The following CADPS variants were observed in gnomAD, a reference collection of about 807,000 sequenced individuals.
The protein encoded by CADPS is calcium-dependent secretion activator 1.
Under a neutral mutation model 167.3 loss-of-function variants are expected in CADPS, and 57 were observed. That is an observed-to-expected ratio of 0.34 (90% confidence interval 0.28 to 0.42). CADPS has a LOEUF of 0.42. Among genes scored for constraint, CADPS ranks in the 20% least tolerant of loss-of-function variants. The pLI, the probability that CADPS is intolerant of heterozygous loss-of-function variation, is 1.00. For synonymous variants in CADPS, 676 were observed against 635.3 expected, an observed-to-expected ratio of 1.06 and a Z score of -0.96; for missense variants, 1,414 against 1,738.1, an observed-to-expected ratio of 0.81 and a Z score of 3.32.
chr3:62,673,259 G>A (rs1291300782), intron 3 of CADPS, among the ~76,000 whole-genome samples: 1 of 152,202 alleles, frequency 6.6e-6, no homozygotes, highest in African/African-American at 2.4e-5. Context: ...GAGTTAAGGT[G>A]ATGTTTTTCC....
At chr3:62,484,842 T>C (rs1407046394) in intron 21 of CADPS, among the ~76,000 whole-genome samples, 5 of 152,204 alleles carry the variant, frequency 3.3e-5, no homozygotes, top group African/African-American at 1.2e-4. Flanking sequence ...GTATTTAAGA[T>C]ACAAAATGCC....
At chr3:62,565,840 AG>A in intron 9 of CADPS, among the ~76,000 whole-genome samples, 1 of 152,202 alleles carries the variant, frequency 6.6e-6, no homozygotes, top group South Asian at 2.1e-4. Flanking sequence ...TGGTTCCCCA[AG>A]ACAGTAGTAC....
intron 7 of CADPS, among the ~76,000 whole-genome samples, 198 bp from the exon 8 acceptor site, chr3:62,585,522 A>G (rs1192654563): frequency 3.3e-5 from 5 of 152,102 alleles, no homozygotes; most frequent in Non-Finnish European, 5.9e-5. Flanking sequence ...TTCTGTGATG[A>G]TTCTGTCATG....
intron 6 of CADPS, among the ~76,000 whole-genome samples, chr3:62,613,233 C>T (rs1461335770): frequency 6.6e-6 from 1 of 152,182 alleles, no homozygotes; most frequent in East Asian, 1.9e-4. Flanking sequence ...ACTTAAACCC[C>T]TGTTCTTCAC....
At chr3:62,466,047 A>C (rs2150386521) in intron 25 of CADPS, among the ~76,000 whole-genome samples, 1 of 152,330 alleles carries the variant, frequency 6.6e-6, no homozygotes, top group Middle Eastern at 3.4e-3. Flanking sequence ...TGTATTTAAA[A>C]ATCTAACTTT....
intron 29 of CADPS, among the ~76,000 whole-genome samples, chr3:62,400,861 G>C (rs1705799945): frequency 6.6e-6 from 1 of 152,056 alleles, no homozygotes; most frequent in Non-Finnish European, 1.5e-5. Context: ...GCCTCCCAAA[G>C]TGCTGAGATT....
At chr3:62,586,606 T>C (rs2084688726) in intron 7 of CADPS, among the ~76,000 whole-genome samples, 1 of 152,220 alleles carries the variant, frequency 6.6e-6, no homozygotes, top group Admixed American at 6.5e-5. Flanking sequence ...AAGTTCCCTG[T>C]CTCTGATGAA....
chr3:62,507,182 T>G (rs1470550641), intron 17 of CADPS, among the ~76,000 whole-genome samples: 1 of 152,166 alleles, frequency 6.6e-6, no homozygotes, highest in Non-Finnish European at 1.5e-5. Context: ...GGAGGGATGA[T>G]GAATAGAGGC....
At chr3:62,454,415 A>G (rs1197334703) in intron 26 of CADPS, among the ~76,000 whole-genome samples, 1 of 152,152 alleles carries the variant, frequency 6.6e-6, no homozygotes, top group East Asian at 1.9e-4. Flanking sequence ...GGGCTCAGAG[A>G]GGTTAAGTTG....
intron 1 of CADPS, among the ~76,000 whole-genome samples, chr3:62,771,580 A>G (rs1176543223): frequency 6.6e-6 from 1 of 152,188 alleles, no homozygotes; most frequent in Non-Finnish European, 1.5e-5. Context: ...GGCTTTGATG[A>G]GCCGCTTAGA....
rs568783290 is a variant in CADPS at position 62,433,733 on chromosome 3, C to T, written c.3777+4371G>A. Among the ~76,000 whole-genome samples, 4 of 152,128 alleles carry T rather than the reference C, an allele frequency of 2.6e-5. No individual in the cohort carries two copies. The highest frequency in any genetic ancestry group is 4.4e-5 in the Non-Finnish European group (3 of 68,038). ...ACCCTAAGCACATCTCTTTTAATCC[C>T]GATTTTCTTCTCAGTCTGTGTCTTC... On this transcript the variant is annotated intron_variant, in intron 28 of 29. Transcript: ENST00000383710. The surrounding 1 kb of genome is among the most constrained non-coding windows in gnomAD (Gnocchi z 4.7).
intron 1 of CADPS, among the ~76,000 whole-genome samples, chr3:62,784,940 T>C (rs141926552): frequency 2.6e-4 from 39 of 152,222 alleles, no homozygotes; most frequent in African/African-American, 9.2e-4. Flanking sequence ...TATTAAAGAG[T>C]TACTGTTAGG....
intron 3 of CADPS, among the ~76,000 whole-genome samples, chr3:62,689,408 G>A (rs2078685513): frequency 6.6e-6 from 1 of 152,056 alleles, no homozygotes; most frequent in South Asian, 2.1e-4. Context: ...GCCATCTTGA[G>A]GTTATGACCT....
intron 7 of CADPS, among the ~76,000 whole-genome samples, chr3:62,591,018 C>T (rs2085885501): frequency 1.3e-5 from 2 of 152,010 alleles, no homozygotes; most frequent in Non-Finnish European, 2.9e-5. Context: ...CCACGCCCGG[C>T]TAATTTTTTT....
intron 1 of CADPS, among the ~76,000 whole-genome samples, chr3:62,813,670 C>G (rs2094485797): frequency 6.6e-6 from 1 of 152,012 alleles, no homozygotes; most frequent in African/African-American, 2.4e-5. Context: ...CAACAAACAA[C>G]CTACAGAATA....
chr3:62,492,251 A>T (rs1345360251), intron 20 of CADPS, 39 bp downstream of exon 20: 1 of 1,579,872 alleles, frequency 6.3e-7, no homozygotes, highest in East Asian at 2.2e-5. Context: ...TTATCTGCAC[A>T]CTACTTAGGA....
chr3:62,442,928 T>G (rs2149872104), intron 27 of CADPS, among the ~76,000 whole-genome samples: 1 of 152,352 alleles, frequency 6.6e-6, no homozygotes, highest in Middle Eastern at 3.4e-3. Context: ...AGAATATACG[T>G]GTATTATGTA....
chr3:62,713,759 C>T (rs1226798615), intron 3 of CADPS, among the ~76,000 whole-genome samples: 2 of 152,144 alleles, frequency 1.3e-5, no homozygotes, highest in Non-Finnish European at 2.9e-5. Context: ...GGGACCTGTC[C>T]ATTAAGGAGC....
chr3:62,845,254 G>A (rs1009038233), intron 1 of CADPS, among the ~76,000 whole-genome samples: 1 of 152,156 alleles, frequency 6.6e-6, no homozygotes, highest in Non-Finnish European at 1.5e-5. Flanking sequence ...TTCTGTATTG[G>A]AAGACCGAGC....
Sources: allele counts gnomAD v4.1 joint callset (sites outside exome capture counted in the v4.1 genomes callset), GRCh38; gene constraint gnomAD v4.1.1; non-coding constraint Gnocchi (gnomAD v3.1); transcripts MANE v1.5; gene names NCBI Gene and HGNC (gene_info 2026-07-23, HGNC 2026-07-21).